The following TANC2 variants were observed in gnomAD, a reference collection of about 807,000 sequenced individuals.
TANC2 encodes protein TANC2.
TANC2 carries 26 observed loss-of-function variants against 210.5 expected under a neutral mutation model. That is an observed-to-expected ratio of 0.12 (90% CI 0.09 to 0.17). The LOEUF is 0.17. TANC2 is among the 10% of genes least tolerant of loss of function. TANC2 has a pLI of 1.00. For synonymous variants in TANC2, 931 were observed against 967.1 expected (o/e 0.96, Z 0.69); for missense variants, 2,129 against 2,608.9 (o/e 0.82, Z 4.01).
At chr17:63,016,272 A>C (rs2034103956) in intron 2 of TANC2, among the ~76,000 whole-genome samples, 1 of 152,234 alleles carries the variant, frequency 6.6e-6, no homozygotes, top group Admixed American at 6.5e-5. Context: ...ATAAAATGGT[A>C]TAGCAATTAA....
chr17:63,040,846 G>A (rs1212813215), intron 2 of TANC2, among the ~76,000 whole-genome samples: 1 of 152,134 alleles, frequency 6.6e-6, no homozygotes, highest in South Asian at 2.1e-4. Context: ...GTAAATTGGA[G>A]TATGACATTC....
chr17:63,073,083 A>G (rs943568104), intron 2 of TANC2, among the ~76,000 whole-genome samples: 1 of 152,142 alleles, frequency 6.6e-6, no homozygotes, highest in Non-Finnish European at 1.5e-5. Context: ...AACAAAGGAA[A>G]TTGTTTGATG....
At chr17:63,168,682 A>T (rs2040297925) in intron 5 of TANC2, among the ~76,000 whole-genome samples, 1 of 152,238 alleles carries the variant, frequency 6.6e-6, no homozygotes, top group East Asian at 1.9e-4. Flanking sequence ...GCTATGTGAG[A>T]TATGTTAAAA....
intron 2 of TANC2, among the ~76,000 whole-genome samples, chr17:63,058,297 T>TTTA (rs2035876606): frequency 6.6e-6 from 1 of 151,914 alleles, no homozygotes. Context: ...GTTTTTTAAG[T>TTTA]TTCTTATACA....
chr17:63,278,993 A>C (rs2043978743), intron 9 of TANC2, among the ~76,000 whole-genome samples: 1 of 152,104 alleles, frequency 6.6e-6, no homozygotes, highest in Non-Finnish European at 1.5e-5. Context: ...TCAATCATGA[A>C]AGATGAAAAA....
intron 5 of TANC2, chr17:63,154,934 G>A (rs1258531962): frequency 6.6e-6 from 1 of 152,014 alleles, no homozygotes; most frequent in Non-Finnish European, 1.5e-5. Context: ...TATATTCATA[G>A]GAAAAAATTT....
chr17:63,277,997 C>G (rs2043937114), intron 9 of TANC2, among the ~76,000 whole-genome samples: 2 of 151,988 alleles, frequency 1.3e-5, no homozygotes, highest in Admixed American at 1.3e-4. Flanking sequence ...CATAGTGAGA[C>G]CTGTCTTTAC....
chr17:63,248,069 G>A (rs1303902741), intron 8 of TANC2, among the ~76,000 whole-genome samples: 2 of 152,070 alleles, frequency 1.3e-5, no homozygotes, highest in Non-Finnish European at 2.9e-5. Flanking sequence ...AATGTATAAT[G>A]TATGTAAATA....
intron 15 of TANC2, among the ~76,000 whole-genome samples, chr17:63,385,229 A>G (rs548172775): frequency 8.5e-5 from 13 of 152,310 alleles, no homozygotes; most frequent in African/African-American, 3.1e-4. Flanking sequence ...TTCCATTGCT[A>G]AAAGCTTCCT....
chr17:63,297,353 G>A (rs75168245), intron 9 of TANC2, among the ~76,000 whole-genome samples: 4,313 of 152,242 alleles, frequency 0.028, 99 homozygotes, highest in South Asian at 0.09. Flanking sequence ...TGTGATACTG[G>A]CATAGGAATA....
intron 2 of TANC2, among the ~76,000 whole-genome samples, chr17:63,037,952 A>G (rs1393805835): frequency 3.3e-5 from 5 of 152,094 alleles, no homozygotes; most frequent in African/African-American, 4.8e-5. Flanking sequence ...TAAGTGGACA[A>G]TAATGTCTTT....
intron 21 of TANC2, among the ~76,000 whole-genome samples, chr17:63,410,419 T>G (rs2048657800): frequency 6.7e-6 from 1 of 149,956 alleles, no homozygotes; most frequent in South Asian, 2.1e-4. Context: ...GATTAAACTC[T>G]AGATTTCTTT....
At position 63,380,769 on chromosome 17, in the gene TANC2, C is replaced by T. The variant is rs551415674; in HGVS notation, c.2691+943C>T. Among the ~76,000 whole-genome samples the T allele has an allele frequency of 9.2e-5, 14 of 152,300 alleles. No individual in the cohort carries two copies. In the East Asian group the frequency reaches 2.3e-3, roughly 25 times the overall value. On this transcript the variant is annotated intron_variant, in intron 15 of 27. Transcript: ENST00000689528. ...TGGCATTAAGGATAACTTCAAGAGC[C>T]TAGCAAATTCTTCCCAATATATAAG...
At chr17:63,343,969 T>C (rs148645243) in intron 12 of TANC2, among the ~76,000 whole-genome samples, 3 of 152,292 alleles carry the variant, frequency 2.0e-5, no homozygotes, top group African/African-American at 7.2e-5. Flanking sequence ...ACATAATCGT[T>C]TCAATAAATG....
At chr17:63,192,970 T>C (rs1022987585) in intron 5 of TANC2, among the ~76,000 whole-genome samples, 7 of 152,186 alleles carry the variant, frequency 4.6e-5, no homozygotes, top group Admixed American at 1.3e-4. Flanking sequence ...GACAGTGAAA[T>C]AGAGCCCCAG....
intron 15 of TANC2, among the ~76,000 whole-genome samples, chr17:63,380,076 C>T (rs892639731): frequency 6.6e-6 from 1 of 152,138 alleles, no homozygotes; most frequent in Non-Finnish European, 1.5e-5. Flanking sequence ...GCATATACAC[C>T]TATAGATGTG....
At chr17:63,182,923 T>G (rs1026561267) in intron 5 of TANC2, 1 of 152,318 alleles carries the variant, frequency 6.6e-6, no homozygotes, top group South Asian at 2.1e-4. Flanking sequence ...ACAAGCACCA[T>G]TGAGGATTAA....
At chr17:63,337,251 G>A (rs1330604320) in intron 11 of TANC2, among the ~76,000 whole-genome samples, 1 of 152,104 alleles carries the variant, frequency 6.6e-6, no homozygotes, top group Non-Finnish European at 1.5e-5. Flanking sequence ...TAAAAGAGAG[G>A]CAGCCACAGA....
intron 5 of TANC2, among the ~76,000 whole-genome samples, chr17:63,173,016 C>T (rs1000170699): frequency 1.3e-5 from 2 of 152,116 alleles, no homozygotes; most frequent in Non-Finnish European, 2.9e-5. Flanking sequence ...AATGGCATAT[C>T]AGAAGGAAGG....
Sources: gnomAD v4.1 joint callset for allele counts (sites outside exome capture counted in the v4.1 genomes callset) on GRCh38, gnomAD v4.1.1 for gene constraint, MANE v1.5 for transcripts, NCBI Gene and HGNC (gene_info 2026-07-23, HGNC 2026-07-21) for gene names.